The following TNRC6A variants were observed in gnomAD, a reference collection of about 807,000 sequenced individuals.
TNRC6A encodes the protein trinucleotide repeat containing adaptor 6A.
Under a neutral mutation model 221.2 loss-of-function variants are expected in TNRC6A, and 44 were observed. The observed-to-expected ratio is 0.20, with a 90% CI of 0.16 to 0.26. The LOEUF (loss-of-function observed/expected upper bound fraction) is 0.26. Among genes scored for constraint, TNRC6A ranks in the 10% least tolerant of loss-of-function variants. TNRC6A has a pLI of 1.00. For synonymous variants in TNRC6A, 847 were observed against 838.5 expected (o/e 1.01, Z -0.18); for missense variants, 2,199 against 2,404.4 (o/e 0.91, Z 1.79).
upstream of TNRC6A, among the ~76,000 whole-genome samples, chr16:24,725,768 G>A (rs1193700023): frequency 6.6e-6 from 1 of 151,830 alleles, no homozygotes; most frequent in African/African-American, 2.4e-5. Flanking sequence ...TTGGTAGGCC[G>A]AGGCGGGTGA....
intron 3 of TNRC6A, 122 bp from the exon 4 acceptor site, chr16:24,758,217 G>A: frequency 2.0e-6 from 2 of 976,488 alleles, no homozygotes; most frequent in Non-Finnish European, 3.0e-6. Context: ...ATCTATTTGA[G>A]AAATTCCTTG....
intron 2 of TNRC6A, among the ~76,000 whole-genome samples, chr16:24,653,215 G>GA (rs1567327247): frequency 6.6e-6 from 1 of 152,084 alleles, no homozygotes; most frequent in Non-Finnish European, 1.5e-5. Context: ...ATGACAGGAA[G>GA]AAAAAATAAA....
chr16:24,621,102 A>G (rs990711546), intron 1 of TNRC6A, among the ~76,000 whole-genome samples: 2 of 150,672 alleles, frequency 1.3e-5, no homozygotes, highest in African/African-American at 4.9e-5. Flanking sequence ...AAAAAAAAAA[A>G]AAAAGTGAAA....
intron 2 of TNRC6A, among the ~76,000 whole-genome samples, chr16:24,689,745 C>A (rs1416504850): frequency 1.3e-5 from 2 of 151,820 alleles, no homozygotes; most frequent in African/African-American, 2.4e-5. Flanking sequence ...TATATGGTGA[C>A]ACATGCTATG....
chr16:24,751,983 G>A (rs2057147330), intron 3 of TNRC6A, among the ~76,000 whole-genome samples: 1 of 152,200 alleles, frequency 6.6e-6, no homozygotes, highest in Non-Finnish European at 1.5e-5. Context: ...TGCATTAAAG[G>A]ATGGGTTTTG....
chr16:24,728,808 TCTTA>T (rs1473651547), upstream of TNRC6A, among the ~76,000 whole-genome samples: 1 of 152,236 alleles, frequency 6.6e-6, no homozygotes, highest in South Asian at 2.1e-4. Context: ...CATGTATGTA[TCTTA>T]CTGTGTCTAC....
Position 24,791,644 on chromosome 16 carries a change from T to G in TNRC6A, c.3002T>G (p.Ile1001Ser). Residue 1001 changes from isoleucine to serine, a missense_variant, in exon 6 of 25, where the codon ATT becomes AGT. Ile to Ser is a moderately radical substitution (Grantham distance 142). Coordinates refer to ENST00000395799, the MANE Select transcript of TNRC6A (RefSeq NM_014494.4). ...SPESIRRKME[I>S]DDGTSAWGDP... is the part of the protein sequence containing the mutation. ...GAATCTATACGTCGCAAAATGGAGA[T>G]TGATGATGGAACTTCAGCTTGGGGA... 1 of 1,611,638 alleles carries G rather than the reference T, an allele frequency of 6.2e-7. No individual in the cohort carries two copies. The highest frequency in any genetic ancestry group is 8.5e-7 in the Non-Finnish European group (1 of 1,179,404).
intron 2 of TNRC6A, among the ~76,000 whole-genome samples, chr16:24,699,347 C>T (rs2055923802): frequency 1.3e-5 from 2 of 152,102 alleles, no homozygotes; most frequent in South Asian, 4.1e-4. Context: ...CCCAGGAGGA[C>T]TTCCAGGAGG....
chr16:24,704,289 G>C (rs2056048466), intron 2 of TNRC6A, among the ~76,000 whole-genome samples: 1 of 151,760 alleles, frequency 6.6e-6, no homozygotes, highest in South Asian at 2.1e-4. Flanking sequence ...ACTGGTGGGG[G>C]GCGGGAGGGC....
rs192090788 is a variant in TNRC6A at position 24,774,948 on chromosome 16, T to A, written c.164-1985T>A. Among the ~76,000 whole-genome samples the A allele has an allele frequency of 3.9e-5, 6 of 152,346 alleles. No homozygotes were observed. The East Asian group carries it at 1.2e-3, about 29-fold the overall frequency. Reference sequence around the variant, plus strand: ...GCTGTGTAAATAATTGCATTGGTTTTTATTTATATTTTTATTTTTGGTTTG... The same window carrying A: ...GCTGTGTAAATAATTGCATTGGTTTATATTTATATTTTTATTTTTGGTTTG... On this transcript the variant is annotated intron_variant, in intron 4 of 24. Coordinates refer to ENST00000395799, the MANE Select transcript of TNRC6A (RefSeq NM_014494.4).
chr16:24,814,384 C>A (rs2058609245), intron 18 of TNRC6A, among the ~76,000 whole-genome samples: 1 of 134,282 alleles, frequency 7.4e-6, no homozygotes, highest in Admixed American at 7.2e-5. Flanking sequence ...CTTCTGGTGT[C>A]ATTTTTTTCT....
chr16:24,699,657 T>C (rs1463000799), intron 2 of TNRC6A, among the ~76,000 whole-genome samples: 2 of 150,158 alleles, frequency 1.3e-5, no homozygotes, highest in East Asian at 3.9e-4. Flanking sequence ...ATTCCAAGGC[T>C]GCAGTGAGCT....
At chr16:24,649,080 A>T (rs1307116635) in intron 2 of TNRC6A, among the ~76,000 whole-genome samples, 1 of 152,056 alleles carries the variant, frequency 6.6e-6, no homozygotes, top group Admixed American at 6.6e-5. Context: ...CAGGAGTTTG[A>T]AATCAGCCTG....
intron 2 of TNRC6A, among the ~76,000 whole-genome samples, chr16:24,733,957 A>G (rs2056703571): frequency 6.6e-6 from 1 of 152,158 alleles, no homozygotes; most frequent in African/African-American, 2.4e-5. Context: ...AGGAGGATTG[A>G]GCCCAGGAGT....
chr16:24,796,889 G>A (rs990767471), intron 9 of TNRC6A, among the ~76,000 whole-genome samples: 4 of 152,168 alleles, frequency 2.6e-5, no homozygotes, highest in African/African-American at 9.7e-5. Flanking sequence ...AATGGAGTTT[G>A]CGTACCACCC....
At chr16:24,625,903 T>C (rs1039798451) in intron 1 of TNRC6A, among the ~76,000 whole-genome samples, 4 of 151,970 alleles carry the variant, frequency 2.6e-5, no homozygotes, top group Non-Finnish European at 5.9e-5. Context: ...GAGTGTTAAG[T>C]TTGTTTATTT....
chr16:24,795,226 C>T (rs1030043101), intron 8 of TNRC6A, among the ~76,000 whole-genome samples: 1 of 152,194 alleles, frequency 6.6e-6, no homozygotes, highest in Non-Finnish European at 1.5e-5. Flanking sequence ...GTGGACAAAT[C>T]ATATTCCTAA....
intron 2 of TNRC6A, among the ~76,000 whole-genome samples, chr16:24,732,879 A>G (rs760332292): frequency 2.0e-5 from 3 of 152,150 alleles, no homozygotes; most frequent in Non-Finnish European, 4.4e-5. Flanking sequence ...TTCATTAGGA[A>G]TTGTAACGTG....
At chr16:24,788,781 T>C (rs2058029686) in intron 5 of TNRC6A, among the ~76,000 whole-genome samples, 1 of 152,018 alleles carries the variant, frequency 6.6e-6, no homozygotes, top group Non-Finnish European at 1.5e-5. Context: ...CCCGAGTAGC[T>C]GGGACTACAG....
Sources: allele counts gnomAD v4.1 joint callset (sites outside exome capture counted in the v4.1 genomes callset), GRCh38; gene constraint gnomAD v4.1.1; transcripts MANE v1.5; gene names NCBI Gene and HGNC (gene_info 2026-07-23, HGNC 2026-07-21).